Variants in CLSPN observed in about 807,000 individuals in gnomAD.
CLSPN encodes the protein claspin homolog.
In CLSPN, 85 loss-of-function variants were observed where a neutral mutation model predicts 156.3. The observed-to-expected ratio is 0.54, with a 90% CI of 0.46 to 0.65. CLSPN has a LOEUF of 0.65. Ranked by LOEUF, CLSPN falls within the 30% of genes least tolerant of loss-of-function variation. CLSPN has a pLI of 0.00. For missense variants in CLSPN, 1,407 were observed against 1,554.9 expected (o/e 0.90, Z 1.60); for synonymous variants, 534 against 542.4 (o/e 0.98, Z 0.22).
chr1:35,761,884 AT>A, intron 6 of CLSPN, 113 bp downstream of exon 6: 1 of 684,834 alleles, frequency 1.5e-6, no homozygotes, highest in Non-Finnish European at 2.6e-6. Context: ...TAAACTTAAT[AT>A]TATAACCTGA....
intron 23 of CLSPN, 92 bp downstream of exon 23, chr1:35,737,247 T>C: frequency 7.7e-7 from 1 of 1,304,908 alleles, no homozygotes; most frequent in Non-Finnish European, 1.1e-6. Flanking sequence ...AGCCACCTCC[T>C]TCCTCTAATG....
intron 18 of CLSPN, among the ~76,000 whole-genome samples, chr1:35,739,741 A>G (rs1641629195): frequency 6.6e-6 from 1 of 152,232 alleles, no homozygotes; most frequent in African/African-American, 2.4e-5. Context: ...CGCACTTAGT[A>G]TGCTTCTCGA....
chr1:35,730,786 G>A (rs901273069), downstream of CLSPN, among the ~76,000 whole-genome samples: 12 of 151,996 alleles, frequency 7.9e-5, no homozygotes, highest in Admixed American at 3.3e-4. Flanking sequence ...CTTGAACGGG[G>A]GAGACAAAGG....
chr1:35,739,926 A>G (rs1036262518), intron 18 of CLSPN, among the ~76,000 whole-genome samples: 2 of 152,214 alleles, frequency 1.3e-5, no homozygotes, highest in Admixed American at 1.3e-4. Context: ...TATCATAGGA[A>G]TGGGTACTAT....
chr1:35,734,512 T>G lies in CLSPN; in HGVS notation c.*1984A>C, dbSNP rs919325671. On this transcript the variant is annotated 3_prime_UTR_variant, in exon 25 of 25. Transcript: ENST00000318121. ...CTGGCCAACATGGCGAAACCTCATC[T>G]CTAATAAAAATACAAAAAATTAGCT... is the stretch of plus-strand genomic sequence containing the variant. 4 of 364,184 alleles carry G rather than the reference T, an allele frequency of 1.1e-5. No homozygotes were observed. Among genetic ancestry groups the G allele is most frequent in the African/African-American group, 8.8e-5 (4 of 45,224 alleles). The allele number at this position is 364,184 out of a possible 1,614,324, so 22.6% of individuals were successfully genotyped here. A position where few individuals can be genotyped will look rare whatever the true frequency, so the allele number is the denominator to read the frequency against.
rs1641349577 is a variant in CLSPN, at chr1:35,732,800, G to C, written c.*3696C>G. The C allele has an allele frequency of 1.2e-5, 12 of 985,240 alleles. No individual in the cohort carries two copies. Among genetic ancestry groups the C allele is most frequent in the African/African-American group, 3.5e-5 (2 of 57,200 alleles). 61.0% of individuals were successfully genotyped at this position (985,240 alleles called of 1,614,324 possible). A position where few individuals can be genotyped will look rare whatever the true frequency, so the allele number is the denominator to read the frequency against. On this transcript the variant is annotated 3_prime_UTR_variant, in exon 25 of 25. Coordinates refer to ENST00000318121, the MANE Select transcript of CLSPN (RefSeq NM_022111.4). ...TCAGTGCTTTGGGCAAAGGGCATATGGGTCAGATTGAAACTGTCCATGTCA... is the reference window on the plus strand; with the variant it reads ...TCAGTGCTTTGGGCAAAGGGCATATCGGTCAGATTGAAACTGTCCATGTCA...
intron 24 of CLSPN, among the ~76,000 whole-genome samples, chr1:35,724,547 G>A (rs1301925386): frequency 3.3e-5 from 5 of 152,196 alleles, no homozygotes; most frequent in African/African-American, 7.2e-5. Flanking sequence ...TACAAACTAC[G>A]TTGCTAACCT....
exon 25 of CLSPN, chr1:35,720,937 G>C: frequency 6.2e-7 from 1 of 1,612,226 alleles, no homozygotes; most frequent in South Asian, 1.1e-5. Context: ...AGGGATAGGA[G>C]CTCCACTCCA....
intron 8 of CLSPN, among the ~76,000 whole-genome samples, chr1:35,759,781 CA>C (rs1376323969): frequency 6.6e-6 from 1 of 150,964 alleles, no homozygotes; most frequent in African/African-American, 2.4e-5. Flanking sequence ...TCCTAAATAC[CA>C]TAACACAGTA....
In CLSPN at chr1:35,732,372, C is replaced by T. The variant is rs1218308354; in HGVS notation, c.*4124G>A. On this transcript the variant is annotated 3_prime_UTR_variant, in exon 25 of 25. Transcript: ENST00000318121. The stretch of plus-strand genomic sequence containing the variant: ...CCAAAAACACCCCCTAAAAAGTCTC[C>T]CAGCCTGAGCATTAGAAACTCTCAA... 3 of 985,162 alleles carry T rather than the reference C, an allele frequency of 3.0e-6. No individual in the cohort carries two copies. 61.0% of individuals were successfully genotyped at this position (985,162 alleles called of 1,614,324 possible).
In CLSPN at chr1:35,735,794, T is replaced by A. The variant is rs950726663; in HGVS notation, c.*702A>T. 1 of 985,104 alleles carries A rather than the reference T, an allele frequency of 1.0e-6. No individual in the cohort carries two copies. The highest frequency in any genetic ancestry group is 1.7e-5 in the African/African-American group (1 of 57,176). The allele number at this position is 985,104 out of a possible 1,614,324, so 61.0% of individuals were successfully genotyped here. On this transcript the variant is annotated 3_prime_UTR_variant, in exon 25 of 25. Coordinates refer to ENST00000318121, the MANE Select transcript of CLSPN (RefSeq NM_022111.4). ...TGTAAAGGAGTCATTATGGTACTGATTTTCACTGTTTAATCTGTAATGTCA... is the reference window on the plus strand; with the variant it reads ...TGTAAAGGAGTCATTATGGTACTGAATTTCACTGTTTAATCTGTAATGTCA...
At position 35,749,684 on chromosome 1, in the gene CLSPN, A is replaced by T. The variant is rs746818568; in HGVS notation, c.2156T>A (p.Leu719His). 6.2e-7 allele frequency: 1 copy of T among 1,614,142 alleles called. No homozygotes were observed. The highest frequency in any genetic ancestry group is 1.1e-5 in the South Asian group (1 of 91,082). ...CAGAAGTAAAGTAGAATCTGATGAG[A>T]GAGACTTGGGAACAGAGAGGAAGCC... The part of the protein sequence containing the change: ...AVGFLSVPKS[L>H]SSDSTLLLFK... Residue 719 changes from leucine to histidine, a missense_variant, in exon 11 of 25, where the codon CTC becomes CAC. Physicochemically the swap from Leu to His is moderately conservative, Grantham distance 99 (BLOSUM62 -3). Coordinates refer to ENST00000318121, the MANE Select transcript of CLSPN (RefSeq NM_022111.4).
chr1:35,765,882 G>C (rs1642653287), intron 1 of CLSPN, among the ~76,000 whole-genome samples: 2 of 151,654 alleles, frequency 1.3e-5, no homozygotes, highest in African/African-American at 4.8e-5. Context: ...TAACTAGCAA[G>C]TTATAGGAAA....
intron 1 of CLSPN, among the ~76,000 whole-genome samples, chr1:35,765,619 C>T (rs1642645526): frequency 6.6e-6 from 1 of 151,816 alleles, no homozygotes. Context: ...CCAATATATC[C>T]ATACAATTGA....
intron 10 of CLSPN, among the ~76,000 whole-genome samples, chr1:35,750,581 T>C (rs375672777): frequency 6.6e-6 from 1 of 151,898 alleles, no homozygotes; most frequent in East Asian, 1.9e-4. Context: ...TTAGTAGAGA[T>C]GGATTTTCAC....
At chr1:35,748,970 C>T (rs1198612097) in intron 12 of CLSPN, 10 of 323,316 alleles carry the variant, frequency 3.1e-5, no homozygotes, top group African/African-American at 1.3e-4. Flanking sequence ...GGACTACAGG[C>T]GCGTGCCACC....
intron 1 of CLSPN, among the ~76,000 whole-genome samples, chr1:35,767,986 G>A (rs1642729665): frequency 6.6e-6 from 1 of 152,120 alleles, no homozygotes; most frequent in African/African-American, 2.4e-5. Flanking sequence ...AGTGTTCTCA[G>A]GGCTCTGAAT....
intron 24 of CLSPN, among the ~76,000 whole-genome samples, chr1:35,725,825 C>T (rs1224157247): frequency 1.3e-5 from 2 of 152,176 alleles, no homozygotes; most frequent in East Asian, 3.9e-4. Flanking sequence ...CAGCTGCATC[C>T]CGCCCCTGAA....
At chr1:35,723,511 G>A (rs530180369) in intron 24 of CLSPN, among the ~76,000 whole-genome samples, 16 of 152,304 alleles carry the variant, frequency 1.1e-4, no homozygotes, top group Non-Finnish European at 2.1e-4. Flanking sequence ...CTCAATATCA[G>A]TATTCTCAGG....
Sources: allele counts gnomAD v4.1 joint callset (sites outside exome capture counted in the v4.1 genomes callset), GRCh38; gene constraint gnomAD v4.1.1; transcripts MANE v1.5; gene names NCBI Gene and HGNC (gene_info 2026-07-23, HGNC 2026-07-21).